The following GPD2 variants were observed in gnomAD, a reference collection of about 807,000 sequenced individuals.
GPD2 encodes glycerol-3-phosphate dehydrogenase 2.
GPD2 carries 54 observed loss-of-function variants against 82.4 expected under a neutral mutation model. The observed-to-expected ratio is 0.66, with a 90% CI of 0.53 to 0.82. The LOEUF (loss-of-function observed/expected upper bound fraction) is 0.82, where lower values mean the gene tolerates loss of function less well. Ranked by LOEUF, GPD2 falls within the 40% of genes least tolerant of loss-of-function variation. The pLI, the probability that GPD2 is intolerant of heterozygous loss-of-function variation, is 0.00. For synonymous variants in GPD2, 288 were observed against 306.1 expected, an observed-to-expected ratio of 0.94 and a Z score of 0.62; for missense variants, 748 against 896.2, an observed-to-expected ratio of 0.83 and a Z score of 2.11.
At chr2:156,412,003 C>A in the GPD2 span, among the ~76,000 whole-genome samples, 1 of 152,180 alleles carries the variant, frequency 6.6e-6, no homozygotes, top group Non-Finnish European at 1.5e-5. Flanking sequence ...TGCTTGGCCA[C>A]CTCATTTGAA....
At chr2:156,426,342 C>T in the GPD2 span, among the ~76,000 whole-genome samples, 1 of 152,208 alleles carries the variant, frequency 6.6e-6, no homozygotes, top group Non-Finnish European at 1.5e-5. Flanking sequence ...ACACCTTCTT[C>T]ACAAGGCAGC....
chr2:156,524,652 GT>G (rs1430592166), intron 6 of GPD2, among the ~76,000 whole-genome samples: 1 of 152,178 alleles, frequency 6.6e-6, no homozygotes, highest in Non-Finnish European at 1.5e-5. Flanking sequence ...AGTCTTAGAA[GT>G]CACACAGTGT....
chr2:156,445,076 G>A (rs1682321126), intron 1 of GPD2, among the ~76,000 whole-genome samples: 1 of 152,186 alleles, frequency 6.6e-6, no homozygotes, highest in Admixed American at 6.5e-5. Context: ...AAATAGGAAG[G>A]AGTTTAGCAA....
chr2:156,574,032 A>G (rs1558969488), intron 13 of GPD2, among the ~76,000 whole-genome samples: 1 of 152,192 alleles, frequency 6.6e-6, no homozygotes, highest in African/African-American at 2.4e-5. Context: ...TTAAAATCTA[A>G]TTGGGTTGTT....
At chr2:156,405,977 A>G in the GPD2 span, among the ~76,000 whole-genome samples, 1 of 152,088 alleles carries the variant, frequency 6.6e-6, no homozygotes, top group Non-Finnish European at 1.5e-5. Context: ...GGCTTATATC[A>G]TCTGAAGAAA....
intron 2 of GPD2, among the ~76,000 whole-genome samples, chr2:156,489,676 T>C (rs1409801357): frequency 6.6e-6 from 1 of 150,568 alleles, no homozygotes; most frequent in Non-Finnish European, 1.5e-5. Context: ...ACATAGAGTT[T>C]TTTCCTTCCT....
upstream of GPD2, among the ~76,000 whole-genome samples, chr2:156,432,972 C>G (rs901118071): frequency 6.6e-6 from 1 of 152,096 alleles, no homozygotes; most frequent in African/African-American, 2.4e-5. Flanking sequence ...TTTGGTTGTT[C>G]TGGGCCCCAA....
chr2:156,443,559 C>G (rs768460490), intron 1 of GPD2, among the ~76,000 whole-genome samples: 2 of 152,128 alleles, frequency 1.3e-5, no homozygotes, highest in African/African-American at 2.4e-5. Context: ...AGGCATCTCC[C>G]TCCCTACACA....
At chr2:156,500,022 G>A (rs1423760187) in intron 3 of GPD2, among the ~76,000 whole-genome samples, 3 of 151,966 alleles carry the variant, frequency 2.0e-5, no homozygotes, top group Non-Finnish European at 2.9e-5. Context: ...GATGATTGTG[G>A]GTGATGATAG....
At chr2:156,460,731 GCTCT>G (rs1244403494) in intron 1 of GPD2, among the ~76,000 whole-genome samples, 1 of 152,130 alleles carries the variant, frequency 6.6e-6, no homozygotes, top group Non-Finnish European at 1.5e-5. Flanking sequence ...CATTTAAGAG[GCTCT>G]CTTAGATGAC....
At position 156,570,131 on chromosome 2, in the gene GPD2, G is replaced by T; in HGVS notation, c.1521G>T (p.Glu507Asp). 2.5e-6 allele frequency: 4 copies of T among 1,612,188 alleles called. No homozygotes were observed. The highest frequency in any genetic ancestry group is 3.4e-6 in the Non-Finnish European group (4 of 1,179,120). Residue 507 changes from glutamate (E) to aspartate (D), a missense_variant, in exon 12 of 17, where the codon GAG becomes GAT. Glu to Asp is a conservative substitution (Grantham distance 45, BLOSUM62 2). This residue lies in a region of GPD2 where 692 missense variants were observed against 809.7 expected (regional missense o/e 0.85). Coordinates refer to ENST00000438166, the MANE Select transcript of GPD2 (RefSeq NM_000408.5). ...CCACCTATGGTGATAAGGCCTTTGA[G>T]GTGGCCAAAATGGCAAGTGTGACTG... ...LAATYGDKAF[E>D]VAKMASVTGK...
At chr2:156,405,985 A>G in the GPD2 span, among the ~76,000 whole-genome samples, 1 of 152,184 alleles carries the variant, frequency 6.6e-6, no homozygotes, top group East Asian at 1.9e-4. Context: ...TCATCTGAAG[A>G]AAGTAAACAG....
At chr2:156,526,121 A>T (rs1482956075) in intron 6 of GPD2, among the ~76,000 whole-genome samples, 1 of 152,218 alleles carries the variant, frequency 6.6e-6, no homozygotes, top group Non-Finnish European at 1.5e-5. Flanking sequence ...TGAATTTAAA[A>T]GCAGGGACCA....
chr2:156,525,866 A>G (rs757122530), intron 6 of GPD2, among the ~76,000 whole-genome samples: 2 of 152,224 alleles, frequency 1.3e-5, no homozygotes, highest in Non-Finnish European at 2.9e-5. Context: ...AACAAAGACA[A>G]TTCAAACAAG....
intron 2 of GPD2, among the ~76,000 whole-genome samples, chr2:156,489,701 TTCCTTCC>T (rs1684085548): frequency 8.9e-6 from 1 of 112,456 alleles, no homozygotes; most frequent in African/African-American, 3.5e-5. Flanking sequence ...CCTTCCTTCC[TTCCTTCC>T]TTCCTTCCTT....
the GPD2 span, among the ~76,000 whole-genome samples, chr2:156,425,092 T>TTA: frequency 3.3e-5 from 5 of 151,620 alleles, no homozygotes; most frequent in African/African-American, 9.7e-5. Flanking sequence ...TCATTTTATT[T>TTA]TTTTTTTTGT....
intron 6 of GPD2, among the ~76,000 whole-genome samples, chr2:156,541,791 CT>C (rs1686321588): frequency 7.7e-6 from 1 of 130,090 alleles, no homozygotes; most frequent in African/African-American, 2.9e-5. Flanking sequence ...CTCCCTTTTC[CT>C]TTTTCTTCCT....
At chr2:156,401,183 G>A in the GPD2 span, among the ~76,000 whole-genome samples, 7 of 152,282 alleles carry the variant, frequency 4.6e-5, no homozygotes, top group South Asian at 4.1e-4. Context: ...CCTCCCGCGT[G>A]GCAGGCGAGA....
the GPD2 span, among the ~76,000 whole-genome samples, chr2:156,420,648 T>C: frequency 6.6e-6 from 1 of 152,260 alleles, no homozygotes; most frequent in Non-Finnish European, 1.5e-5. Context: ...ATTTAGCATC[T>C]ATTGATCATA....
Sources: gnomAD v4.1 joint callset for allele counts (sites outside exome capture counted in the v4.1 genomes callset) on GRCh38, gnomAD v4.1.1 for gene constraint, gnomAD v4.1.1 regional missense constraint, MANE v1.5 for transcripts, NCBI Gene and HGNC (gene_info 2026-07-23, HGNC 2026-07-21) for gene names.